Variants in WDR7 observed in about 807,000 individuals in gnomAD.
WDR7 encodes the protein WD repeat-containing protein 7.
WDR7 carries 46 observed loss-of-function variants against 169.4 expected under a neutral mutation model. The observed-to-expected ratio is 0.27, with a 90% CI of 0.21 to 0.35. The LOEUF is 0.35. Among genes scored for constraint, WDR7 ranks in the 10% least tolerant of loss-of-function variants. The probability of loss-of-function intolerance (pLI) is 1.00; values close to 1 mark genes in which losing one functional copy is unlikely to be tolerated. For missense variants in WDR7, 1,534 were observed against 1,859.3 expected (o/e 0.83, Z 3.22); for synonymous variants, 612 against 666.8 (o/e 0.92, Z 1.27).
intron 19 of WDR7, among the ~76,000 whole-genome samples, chr18:56,811,461 A>G (rs888814546): frequency 3.9e-5 from 6 of 152,186 alleles, no homozygotes; most frequent in South Asian, 2.1e-4. Context: ...CATCTTCTTA[A>G]TAGGGCCTTT....
At chr18:57,023,469 A>G (rs529998186) in intron 27 of WDR7, among the ~76,000 whole-genome samples, 1 of 152,334 alleles carries the variant, frequency 6.6e-6, no homozygotes, top group Admixed American at 6.5e-5. Context: ...GTCTGTGTGC[A>G]GCATTACTTA....
At chr18:56,876,103 T>TC (rs2145462838) in intron 20 of WDR7, among the ~76,000 whole-genome samples, 1 of 152,256 alleles carries the variant, frequency 6.6e-6, no homozygotes, top group African/African-American at 2.4e-5. Context: ...GTTTGGCACC[T>TC]CTTTAGTTTG....
chr18:56,734,376 ATGC>A (rs2026651202), intron 14 of WDR7, among the ~76,000 whole-genome samples: 2 of 152,070 alleles, frequency 1.3e-5, no homozygotes, highest in South Asian at 4.1e-4. Context: ...ATATAGTAGG[ATGC>A]TGAGCATCAT....
intron 26 of WDR7, among the ~76,000 whole-genome samples, chr18:56,963,685 T>C (rs2047366408): frequency 6.6e-6 from 1 of 152,188 alleles, no homozygotes; most frequent in Non-Finnish European, 1.5e-5. Flanking sequence ...CAAATTTTGT[T>C]TGTGATTTTT....
chr18:56,834,297 C>T (rs953296544), intron 20 of WDR7, among the ~76,000 whole-genome samples: 6 of 152,286 alleles, frequency 3.9e-5, no homozygotes, highest in South Asian at 2.1e-4. Flanking sequence ...ACTTTGCTGT[C>T]GTCCACTGGT....
At chr18:56,794,300 G>GTTTTTTTTTTTTTTT (rs1409713153) in intron 19 of WDR7, among the ~76,000 whole-genome samples, 1 of 42,004 alleles carries the variant, frequency 2.4e-5, no homozygotes, top group Non-Finnish European at 6.4e-5. Flanking sequence ...AAAAGGTAAA[G>GTTTTTTTTTTTTTTT]TCTATTTTTT....
At chr18:56,654,122 C>G (rs4801044) in intron 1 of WDR7, among the ~76,000 whole-genome samples, 107,277 of 152,098 alleles carry the variant, frequency 0.71, 42,989 homozygotes, top group East Asian at 0.96. Context: ...TCATTCACTA[C>G]TAATGAATCT....
At chr18:56,740,291 C>A (rs998233378) in intron 14 of WDR7, among the ~76,000 whole-genome samples, 1 of 151,938 alleles carries the variant, frequency 6.6e-6, no homozygotes, top group Non-Finnish European at 1.5e-5. Flanking sequence ...AATTCTTTAT[C>A]TTTTTATCTT....
At chr18:56,743,673 T>C (rs2043655119) in intron 14 of WDR7, among the ~76,000 whole-genome samples, 2 of 152,040 alleles carry the variant, frequency 1.3e-5, no homozygotes, top group South Asian at 4.1e-4. Context: ...GAAATAGAAA[T>C]AGTAACAAAT....
intron 26 of WDR7, among the ~76,000 whole-genome samples, chr18:56,999,261 G>A (rs2047941506): frequency 1.3e-5 from 2 of 152,148 alleles, no homozygotes; most frequent in African/African-American, 4.8e-5. Context: ...TGTGTTAGAA[G>A]AAGCCTGGTG....
chr18:56,826,005 A>T (rs1022732368), intron 20 of WDR7, among the ~76,000 whole-genome samples: 1 of 110,116 alleles, frequency 9.1e-6, no homozygotes, highest in Admixed American at 8.7e-5. Flanking sequence ...ACCAAACAGG[A>T]AAAAAGCAGA....
At chr18:56,691,082 A>G in intron 7 of WDR7, 134 bp from the exon 8 acceptor site, 3 of 1,291,186 alleles carry the variant, frequency 2.3e-6, no homozygotes, top group Non-Finnish European at 3.2e-6. Context: ...TTATTGACAA[A>G]CTTTCTTTAT....
chr18:56,815,715 T>A (rs3745039), intron 19 of WDR7, among the ~76,000 whole-genome samples: 2,117 of 152,298 alleles, frequency 0.014, 29 homozygotes, highest in East Asian at 0.035. Context: ...ATTGTCAAAA[T>A]CAGCCAAAGT....
At chr18:56,901,387 G>A (rs145919165) in intron 21 of WDR7, among the ~76,000 whole-genome samples, 298 of 151,390 alleles carry the variant, frequency 2.0e-3, no homozygotes, top group African/African-American at 6.9e-3. Flanking sequence ...TCTCTAGGCA[G>A]TATAGTCATG....
At chr18:56,656,041 G>A (rs982385757) in intron 1 of WDR7, among the ~76,000 whole-genome samples, 7 of 152,174 alleles carry the variant, frequency 4.6e-5, no homozygotes, top group African/African-American at 1.7e-4. Flanking sequence ...TAAAGCTGCT[G>A]TGAACATTCT....
intron 19 of WDR7, among the ~76,000 whole-genome samples, chr18:56,798,729 T>A (rs930206681): frequency 6.6e-6 from 1 of 152,220 alleles, no homozygotes; most frequent in Non-Finnish European, 1.5e-5. Flanking sequence ...GCTATTGCTT[T>A]ATAAAAGTTT....
chr18:56,711,052 C>T (rs1452064536), intron 12 of WDR7, among the ~76,000 whole-genome samples: 1 of 147,842 alleles, frequency 6.8e-6, no homozygotes, highest in Admixed American at 6.7e-5. Flanking sequence ...TTCTTTTTGT[C>T]CTTTGCTTTT....
At chr18:56,895,149 A>G (rs1323836043) in intron 21 of WDR7, among the ~76,000 whole-genome samples, 3 of 152,040 alleles carry the variant, frequency 2.0e-5, no homozygotes, top group Non-Finnish European at 4.4e-5. Flanking sequence ...GTAGCAAAAT[A>G]AGAGTTATAA....
At chr18:56,868,572 C>T (rs1335338879) in intron 20 of WDR7, among the ~76,000 whole-genome samples, 5 of 152,096 alleles carry the variant, frequency 3.3e-5, no homozygotes, top group South Asian at 4.1e-4. Context: ...TTTACAGAAA[C>T]GTACCATGTC....
Sources: allele counts gnomAD v4.1 joint callset (sites outside exome capture counted in the v4.1 genomes callset), GRCh38; gene constraint gnomAD v4.1.1; transcripts MANE v1.5; gene names NCBI Gene and HGNC (gene_info 2026-07-23, HGNC 2026-07-21).